PARG: variants seen among roughly 807,000 people sequenced by gnomAD.
PARG encodes the protein poly(ADP-ribose) glycohydrolase, also known as mitochondrial poly(ADP-ribose) glycohydrolase.
A neutral mutation model predicts 113.0 loss-of-function variants in PARG; 35 were observed. The ratio of observed to expected loss-of-function variants is 0.31; its 90% confidence interval spans 0.24 to 0.41. The LOEUF is 0.41. Among genes scored for constraint, PARG ranks in the 10% least tolerant of loss-of-function variants. The probability of loss-of-function intolerance (pLI) is 1.00; values close to 1 mark genes in which losing one functional copy is unlikely to be tolerated. For synonymous variants in PARG, 330 were observed against 409.9 expected, an observed-to-expected ratio of 0.81 and a Z score of 2.36; for missense variants, 797 against 1,169.4, an observed-to-expected ratio of 0.68 and a Z score of 4.64.
chr10:49,862,982 T>C (rs1376260779), intron 11 of PARG, among the ~76,000 whole-genome samples: 1 of 149,358 alleles, frequency 6.7e-6, no homozygotes, highest in African/African-American at 2.5e-5. Context: ...CCATCTGTTG[T>C]CAACTATTCT....
In PARG at chr10:49,935,179, A is replaced by C. The variant is rs1838689446; in HGVS notation, c.218-37T>G. 1.6e-5 allele frequency: 11 copies of C among 695,400 alleles called. No homozygotes were observed. The Middle Eastern group carries it at 7.1e-4, about 45-fold the overall frequency. 43.1% of individuals were successfully genotyped at this position (695,400 alleles called of 1,614,324 possible). ...AATGTATATTCATACATTCCTTCAA[A>C]TATAAAACATATACAGCATATTGTA... On this transcript the variant is annotated intron_variant, in intron 1 of 17. Coordinates refer to ENST00000616448, the MANE Select transcript of PARG (RefSeq NM_003631.5).
chr10:49,821,663 C>T (rs186917551), intron 16 of PARG, among the ~76,000 whole-genome samples: 13 of 152,192 alleles, frequency 8.5e-5, no homozygotes, highest in Admixed American at 2.6e-4. Flanking sequence ...TACAGGCATG[C>T]GCCAATGTGC....
intron 13 of PARG, among the ~76,000 whole-genome samples, chr10:49,853,245 C>A (rs1161094539): frequency 6.6e-6 from 1 of 151,830 alleles, no homozygotes; most frequent in Admixed American, 6.6e-5. Flanking sequence ...ACCACGTTAG[C>A]CAGGATGGTC....
chr10:49,868,290 C>T (rs1353740658), intron 10 of PARG, among the ~76,000 whole-genome samples: 1 of 152,130 alleles, frequency 6.6e-6, no homozygotes. Flanking sequence ...CCTGGCCTTA[C>T]GTAGTCATCT....
chr10:49,842,573 T>C (rs1845296336), intron 14 of PARG, among the ~76,000 whole-genome samples: 1 of 152,226 alleles, frequency 6.6e-6, no homozygotes, highest in South Asian at 2.1e-4. Context: ...GCTCAATTGC[T>C]GACTGTGAGA....
chr10:49,931,956 C>T, intron 4 of PARG, 144 bp downstream of exon 4: 1 of 630,650 alleles, frequency 1.6e-6, no homozygotes, highest in South Asian at 2.0e-5. Flanking sequence ...CATTATATTG[C>T]TCCATTCTGT....
chr10:49,825,317 C>T (rs1554829257), intron 16 of PARG, among the ~76,000 whole-genome samples: 15 of 152,120 alleles, frequency 9.9e-5, no homozygotes. Flanking sequence ...AGAATGCAGC[C>T]ACCATCTCTA....
At chr10:49,899,630 T>C (rs1848260092) in intron 7 of PARG, among the ~76,000 whole-genome samples, 1 of 152,142 alleles carries the variant, frequency 6.6e-6, no homozygotes, top group Admixed American at 6.5e-5. Context: ...AGCTAACTTA[T>C]TTAGTTCATG....
At chr10:49,845,882 G>GT (rs1335341481) in intron 13 of PARG, among the ~76,000 whole-genome samples, 66 of 151,850 alleles carry the variant, frequency 4.3e-4, no homozygotes, top group African/African-American at 1.5e-3. Context: ...GGGCAACAGA[G>GT]TGAGACTTTG....
Position 49,941,948 on chromosome 10 carries a change from C to T in PARG, c.-223G>A. 5.3e-6 allele frequency: 5 copies of T among 950,560 alleles called. No individual in the cohort carries two copies. In the Admixed American group the frequency reaches 8.1e-5, roughly 15 times the overall value. The allele number at this position is 950,560 out of a possible 1,614,324, so 58.9% of individuals were successfully genotyped here. A position where few individuals can be genotyped will look rare whatever the true frequency, so the allele number is the denominator to read the frequency against. On this transcript the variant is annotated 5_prime_UTR_variant, in exon 1 of 18. Coordinates refer to ENST00000616448, the MANE Select transcript of PARG (RefSeq NM_003631.5). ...CTGGCACCCCACCTGCCTCAATGCG[C>T]CGCTTTGATTCGGGATTCGTTCACT...
intron 9 of PARG, among the ~76,000 whole-genome samples, chr10:49,874,702 A>G (rs1846865588): frequency 6.7e-6 from 1 of 149,384 alleles, no homozygotes; most frequent in Non-Finnish European, 1.5e-5. Context: ...AAAACACAAA[A>G]AATTAGCCGG....
intron 13 of PARG, among the ~76,000 whole-genome samples, chr10:49,856,838 T>C (rs1249546885): frequency 6.6e-6 from 1 of 151,590 alleles, no homozygotes; most frequent in African/African-American, 2.4e-5. Flanking sequence ...GGAGAAACCC[T>C]GTCTCTACTA....
At chr10:49,919,212 G>A (rs1200341690) in intron 6 of PARG, among the ~76,000 whole-genome samples, 2 of 152,226 alleles carry the variant, frequency 1.3e-5, no homozygotes, top group South Asian at 4.1e-4. Context: ...AAGTGCTGGG[G>A]TTACAGGCTT....
intron 13 of PARG, among the ~76,000 whole-genome samples, chr10:49,854,468 G>A (rs1194294366): frequency 1.3e-5 from 2 of 152,204 alleles, no homozygotes; most frequent in African/African-American, 4.8e-5. Flanking sequence ...GTTGAAGAAT[G>A]AGAATGTCCA....
Position 49,941,564 on chromosome 10 carries a change from C to A in PARG, c.162G>T (p.Ser54=), listed in dbSNP as rs1839073131. 5.1e-6 allele frequency: 8 copies of A among 1,559,764 alleles called. No homozygotes were observed. The Admixed American group carries it at 1.2e-4, about 22-fold the overall frequency. ...AHVQFRVPPS[S]PACVPGRAGQ... ...CCGCCCGCCCTGGGACGCAGGCTGG[C>A]GAGGACGGTGGGACCCTGAACTGCA... Residue 54 remains serine, a synonymous_variant, in exon 1 of 18, where the codon TCG becomes TCT. Coordinates refer to ENST00000616448, the MANE Select transcript of PARG (RefSeq NM_003631.5).
intron 8 of PARG, among the ~76,000 whole-genome samples, chr10:49,883,196 C>T (rs2573504): frequency 1.6e-4 from 24 of 152,158 alleles, no homozygotes; most frequent in East Asian, 9.6e-4. Context: ...GACATGTATG[C>T]GTTGTTTTCT....
intron 16 of PARG, among the ~76,000 whole-genome samples, chr10:49,826,529 T>C (rs1019893531): frequency 2.0e-5 from 3 of 152,218 alleles, no homozygotes; most frequent in Admixed American, 6.5e-5. Context: ...ACTATCTTGA[T>C]TCCAAAATTA....
rs567288713 is a variant in PARG at position 49,868,500 on chromosome 10, T to C, written c.2068+976A>G. ...TGATTTCATTCTAAAAATTTAACAA[T>C]GTCCAATAGCAATACATTCAAGGGG... On this transcript the variant is annotated intron_variant, in intron 10 of 17. Coordinates refer to ENST00000616448, the MANE Select transcript of PARG (RefSeq NM_003631.5). Among the ~76,000 whole-genome samples, 5 of 152,298 alleles carry C rather than the reference T, an allele frequency of 3.3e-5. No homozygotes were observed. In the East Asian group the frequency reaches 9.6e-4, roughly 29 times the overall value.
intron 7 of PARG, among the ~76,000 whole-genome samples, chr10:49,915,115 GA>G (rs1228214254): frequency 4.4e-5 from 6 of 136,510 alleles, no homozygotes; most frequent in Admixed American, 7.4e-5. Context: ...GAAAACAGAA[GA>G]AAAAAAATGA....
Sources: gnomAD v4.1 joint callset for allele counts (sites outside exome capture counted in the v4.1 genomes callset) on GRCh38, gnomAD v4.1.1 for gene constraint, MANE v1.5 for transcripts, NCBI Gene and HGNC (gene_info 2026-07-23, HGNC 2026-07-21) for gene names.